ING5: variants seen among roughly 807,000 people sequenced by gnomAD.
The protein encoded by ING5 is inhibitor of growth protein 5.
ING5 carries 17 observed loss-of-function variants against 37.4 expected under a neutral mutation model. That is an observed-to-expected ratio of 0.45 (90% CI 0.31 to 0.68). The LOEUF (loss-of-function observed/expected upper bound fraction) is 0.68. Ranked by LOEUF, ING5 falls within the 30% of genes least tolerant of loss-of-function variation. The pLI is 0.05. For synonymous variants in ING5, 123 were observed against 116.6 expected (o/e 1.06, Z -0.36); for missense variants, 233 against 311.9 (o/e 0.75, Z 1.91).
chr2:241,712,907 G>GTCCC (rs903588220), intron 5 of ING5, among the ~76,000 whole-genome samples: 1 of 151,394 alleles, frequency 6.6e-6, no homozygotes, highest in Non-Finnish European at 1.5e-5. Flanking sequence ...GTGGGCTGTA[G>GTCCC]TCCCAGCTAC....
intron 2 of ING5, among the ~76,000 whole-genome samples, chr2:241,706,564 G>T (rs1168259434): frequency 2.7e-5 from 4 of 146,382 alleles, no homozygotes; most frequent in African/African-American, 1.0e-4. Context: ...GGAGGCGGAG[G>T]TTGCACCTGG....
chr2:241,716,535 T>C (rs1412166584), intron 5 of ING5, among the ~76,000 whole-genome samples: 1 of 151,966 alleles, frequency 6.6e-6, no homozygotes, highest in Non-Finnish European at 1.5e-5. Flanking sequence ...CCCCAAGTGA[T>C]CCACCCACCT....
At chr2:241,714,448 C>T (rs2124925430) in intron 5 of ING5, among the ~76,000 whole-genome samples, 1 of 152,230 alleles carries the variant, frequency 6.6e-6, no homozygotes, top group South Asian at 2.1e-4. Flanking sequence ...CTGTGTCTTT[C>T]AAGAAATTTG....
At chr2:241,693,544 C>T (rs1301450226) in intron 2 of ING5, among the ~76,000 whole-genome samples, 1 of 151,760 alleles carries the variant, frequency 6.6e-6, no homozygotes, top group African/African-American at 2.4e-5. Flanking sequence ...TGGCAAGGCC[C>T]TTTGTGGACA....
At chr2:241,724,726 T>C in intron 7 of ING5, 1 of 539,172 alleles carries the variant, frequency 1.9e-6, no homozygotes, top group Non-Finnish European at 3.3e-6. Context: ...GACCCACCTG[T>C]TAAGGAGGAA....
rs796390631 is a variant in ING5 at position 241,712,202 on chromosome 2, G to T, written c.482+131G>T. 7 of 746,950 alleles carry T rather than the reference G, an allele frequency of 9.4e-6. No homozygotes were observed. The South Asian group carries it at 1.4e-4, about 15-fold the overall frequency. 46.3% of individuals were successfully genotyped at this position (746,950 alleles called of 1,614,324 possible). A position where few individuals can be genotyped will look rare whatever the true frequency, so the allele number is the denominator to read the frequency against. On this transcript the variant is annotated intron_variant, in intron 5 of 7. Coordinates refer to ENST00000313552, the MANE Select transcript of ING5 (RefSeq NM_032329.6). ...TGCCGGGTGGTATTCTGATTCTTAC[G>T]CTGCGCGCCTGTCGTCAGCCTGTCC...
chr2:241,690,661 C>A (rs1575113151), intron 2 of ING5: 1 of 398,506 alleles, frequency 2.5e-6, no homozygotes, highest in Admixed American at 4.4e-5. Context: ...TAGGTGAGTA[C>A]ATCCACTTTA....
chr2:241,698,921 T>C (rs1575117158), upstream of ING5, among the ~76,000 whole-genome samples: 1 of 151,912 alleles, frequency 6.6e-6, no homozygotes, highest in African/African-American at 2.4e-5. Context: ...AGAGATGGGG[T>C]TTCTCTGTAT....
At chr2:241,708,519 C>T (rs956209620) in intron 2 of ING5, among the ~76,000 whole-genome samples, 4 of 152,204 alleles carry the variant, frequency 2.6e-5, no homozygotes, top group South Asian at 4.1e-4. Context: ...GTTTTCTTAC[C>T]CCTCTAAACT....
chr2:241,698,890 A>C (rs1199526550), upstream of ING5, among the ~76,000 whole-genome samples: 1 of 151,660 alleles, frequency 6.6e-6, no homozygotes, highest in Non-Finnish European at 1.5e-5. Flanking sequence ...CACCACAACC[A>C]GCTACTTTTG....
chr2:241,720,773 C>A (rs998309091), intron 5 of ING5: 16 of 985,426 alleles, frequency 1.6e-5, no homozygotes, highest in Non-Finnish European at 1.9e-5. Flanking sequence ...CAGCCGCTGA[C>A]AGTTGGGGTC....
chr2:241,697,263 A>C (rs1437085871), upstream of ING5, among the ~76,000 whole-genome samples: 1 of 151,726 alleles, frequency 6.6e-6, no homozygotes, highest in African/African-American at 2.4e-5. Context: ...GTGAAACCCC[A>C]TGTGTACTAA....
At chr2:241,723,399 A>G (rs2070476665) in intron 7 of ING5, 128 bp downstream of exon 7, 2 of 1,013,514 alleles carry the variant, frequency 2.0e-6, no homozygotes, top group African/African-American at 1.6e-5. Context: ...CCACGTAGGC[A>G]TGCCCCACTG....
intron 5 of ING5, 83 bp from the exon 6 acceptor site, chr2:241,722,856 C>G: frequency 1.9e-6 from 3 of 1,581,810 alleles, no homozygotes; most frequent in Non-Finnish European, 2.6e-6. Flanking sequence ...GGCCTTAAGT[C>G]AGAGACAGAA....
At chr2:241,721,005 C>T (rs892548265) in intron 5 of ING5, 16 of 985,568 alleles carry the variant, frequency 1.6e-5, no homozygotes, top group South Asian at 4.7e-5. Context: ...CCAGCGCCCT[C>T]GAACCTGGTG....
chr2:241,724,805 T>C lies in ING5; in HGVS notation c.681-184T>C, dbSNP rs2124957183. On this transcript the variant is annotated intron_variant, in intron 7 of 7. Transcript: ENST00000313552. ...TCAGCTTCAGAACCGGCGTCCTGCA[T>C]AGAGCCGCACGTGCATCGGCGCATT... The C allele has an allele frequency of 6.5e-6, 4 of 612,102 alleles. No homozygotes were observed. The South Asian group carries it at 7.8e-5, about 12-fold the overall frequency. 37.9% of individuals were successfully genotyped at this position (612,102 alleles called of 1,614,324 possible).
At chr2:241,706,593 C>T (rs1248975094) in intron 2 of ING5, among the ~76,000 whole-genome samples, 2 of 147,518 alleles carry the variant, frequency 1.4e-5, no homozygotes, top group Non-Finnish European at 3.0e-5. Context: ...CCATTGCACT[C>T]CACCCTGGGC....
intron 5 of ING5, among the ~76,000 whole-genome samples, chr2:241,716,960 G>A (rs1401963716): frequency 6.6e-6 from 1 of 152,050 alleles, no homozygotes; most frequent in Non-Finnish European, 1.5e-5. Flanking sequence ...TTACAACATG[G>A]TGACTACAGT....
rs1264429554 is a variant in ING5, at chr2:241,728,182, G to T, written c.*3151G>T. On this transcript the variant is annotated 3_prime_UTR_variant, in exon 8 of 8. Transcript: ENST00000313552. ...GAGACACACTCAGGAGTGGCCGTTT[G>T]GCCAGAAAAGAAGGTCATGGCCCCT... is the stretch of plus-strand genomic sequence containing the variant. 1 of 152,332 alleles carries T rather than the reference G, an allele frequency of 6.6e-6. No homozygotes were observed. The highest frequency in any genetic ancestry group is 1.5e-5 in the Non-Finnish European group (1 of 68,100). 9.4% of individuals were successfully genotyped at this position (152,332 alleles called of 1,614,324 possible).
Sources: gnomAD v4.1 joint callset for allele counts (sites outside exome capture counted in the v4.1 genomes callset) on GRCh38, gnomAD v4.1.1 for gene constraint, MANE v1.5 for transcripts, NCBI Gene and HGNC (gene_info 2026-07-23, HGNC 2026-07-21) for gene names.